SLC35H1: variants seen among roughly 807,000 people sequenced by gnomAD.
SLC35H1 encodes the protein solute carrier family 35 member H1.
chr20:46,356,894 G>GC, the SLC35H1 span, among the ~76,000 whole-genome samples: 1 of 152,230 alleles, frequency 6.6e-6, no homozygotes, highest in African/African-American at 2.4e-5. Flanking sequence ...ACTCCGGCGA[G>GC]CCCCCTGAGC....
chr20:46,362,229 G>T, the SLC35H1 span, among the ~76,000 whole-genome samples: 3 of 152,132 alleles, frequency 2.0e-5, no homozygotes, highest in African/African-American at 7.2e-5. Context: ...AAACTGAAAA[G>T]GTCCCCACCC....
At chr20:46,353,794 GGAGGGA>G in the SLC35H1 span, among the ~76,000 whole-genome samples, 1 of 152,084 alleles carries the variant, frequency 6.6e-6, no homozygotes, top group Non-Finnish European at 1.5e-5. Flanking sequence ...ACACGGGAGG[GGAGGGA>G]GAGTGTGGCG....
the SLC35H1 span, among the ~76,000 whole-genome samples, chr20:46,362,027 G>A: frequency 6.6e-6 from 1 of 152,062 alleles, no homozygotes; most frequent in Non-Finnish European, 1.5e-5. Flanking sequence ...CCTCCAATAA[G>A]TCCCTATGGC....
At chr20:46,355,480 C>A in the SLC35H1 span, 1 of 628,738 alleles carries the variant, frequency 1.6e-6, no homozygotes, top group Non-Finnish European at 2.7e-6. This position sits in a 1 kb window ranked among gnomAD's most constrained non-coding sequence, Gnocchi z 4.8. Context: ...GACGGCTGTC[C>A]TAGGCCCCCA....
chr20:46,348,911 C>A, the SLC35H1 span: 8 of 152,248 alleles, frequency 5.3e-5, no homozygotes, highest in Admixed American at 5.2e-4. Flanking sequence ...GTCCCCAAAC[C>A]CCAAATATTT....
At chr20:46,356,094 T>C in the SLC35H1 span, among the ~76,000 whole-genome samples, 11 of 152,002 alleles carry the variant, frequency 7.2e-5, no homozygotes, top group African/African-American at 2.7e-4. Context: ...GCTCCCTGAG[T>C]CCTGTTCTTT....
chr20:46,359,645 G>A, the SLC35H1 span, among the ~76,000 whole-genome samples: 2 of 152,192 alleles, frequency 1.3e-5, no homozygotes, highest in African/African-American at 2.4e-5. Context: ...CAGCCTCCCT[G>A]TCAATCCAGC....
chr20:46,363,325 T>C, the SLC35H1 span, among the ~76,000 whole-genome samples: 3 of 152,228 alleles, frequency 2.0e-5, no homozygotes, highest in African/African-American at 7.2e-5. Context: ...CAATGATTTC[T>C]AAATTCTTTA....
chr20:46,349,116 T>A, the SLC35H1 span: 1 of 152,280 alleles, frequency 6.6e-6, no homozygotes, highest in Admixed American at 6.5e-5. Context: ...TGGATAGCCG[T>A]GGCAGGGCAG....
At chr20:46,356,464 G>C in the SLC35H1 span, 1 of 1,080,232 alleles carries the variant, frequency 9.3e-7, no homozygotes, top group South Asian at 1.4e-5. Context: ...GCAAGGGCTG[G>C]TCCCAGAGTG....
the SLC35H1 span, chr20:46,346,377 G>A: frequency 6.6e-6 from 1 of 152,314 alleles, no homozygotes; most frequent in Non-Finnish European, 1.5e-5. Flanking sequence ...AGGCTGGCAG[G>A]AATGGGCGGT....
chr20:46,354,800 C>T, the SLC35H1 span: 3 of 1,250,902 alleles, frequency 2.4e-6, no homozygotes, highest in African/African-American at 4.5e-5. Flanking sequence ...ATAATCTCTG[C>T]AGCTACCACT....
At chr20:46,355,673 G>C in the SLC35H1 span, 2 of 1,362,906 alleles carry the variant, frequency 1.5e-6, no homozygotes, top group Non-Finnish European at 2.0e-6. This position sits in a 1 kb window ranked among gnomAD's most constrained non-coding sequence, Gnocchi z 4.8. Context: ...TTCTCAGAAA[G>C]GGATCTACTG....
chr20:46,352,050 C>T, the SLC35H1 span: 5 of 1,614,012 alleles, frequency 3.1e-6, no homozygotes, highest in Non-Finnish European at 4.2e-6. Context: ...CGAGTCTGTA[C>T]CTTAAAAATG....
At chr20:46,348,296 C>T in the SLC35H1 span, 1 of 152,204 alleles carries the variant, frequency 6.6e-6, no homozygotes, top group Non-Finnish European at 1.5e-5. Flanking sequence ...AATTACTGCA[C>T]CAGACAGCAA....
At chr20:46,356,659 C>A in the SLC35H1 span, 2 of 1,611,050 alleles carry the variant, frequency 1.2e-6, no homozygotes, top group Non-Finnish European at 1.7e-6. Context: ...CAGGCACCCA[C>A]AGGACAGCTT....
chr20:46,351,398 G>A, the SLC35H1 span, among the ~76,000 whole-genome samples: 1 of 152,238 alleles, frequency 6.6e-6, no homozygotes, highest in Non-Finnish European at 1.5e-5. Context: ...CCTTGGACAG[G>A]CCTGCATTTC....
At chr20:46,356,118 C>G in the SLC35H1 span, among the ~76,000 whole-genome samples, 1,944 of 152,296 alleles carry the variant, frequency 0.013, 28 homozygotes, top group African/African-American at 0.045. Context: ...TAACCCTCGG[C>G]AGAGCCCAGG....
the SLC35H1 span, chr20:46,355,246 T>G: frequency 6.2e-7 from 1 of 1,611,572 alleles, no homozygotes; most frequent in African/African-American, 1.3e-5. This position sits in a 1 kb window ranked among gnomAD's most constrained non-coding sequence, Gnocchi z 4.8. Flanking sequence ...CGCGCGCTGG[T>G]AGGATGGGGA....
Sources: allele counts gnomAD v4.1 joint callset (sites outside exome capture counted in the v4.1 genomes callset), GRCh38; gene constraint gnomAD v4.1.1; non-coding constraint Gnocchi (gnomAD v3.1); transcripts MANE v1.5; gene names NCBI Gene and HGNC (gene_info 2026-07-23, HGNC 2026-07-21).